Variants in AP1S2 observed in about 807,000 individuals in gnomAD.
The protein encoded by AP1S2 is AP-1 complex subunit sigma-2.
A neutral mutation model predicts 14.3 loss-of-function variants in AP1S2; 1 was observed. The ratio of observed to expected loss-of-function variants is 0.07; its 90% CI spans 0.02 to 0.33. The LOEUF is 0.33. AP1S2 is among the 10% of genes least tolerant of loss of function. The pLI, the probability that AP1S2 is intolerant of heterozygous loss-of-function variation, is 0.99. For missense variants in AP1S2, 30 were observed against 117.7 expected (o/e 0.25, Z 3.45); for synonymous variants, 30 against 40.5 (o/e 0.74, Z 0.99).
chrX:15,846,110 G>A, intron 2 of AP1S2, 99 bp from the exon 3 acceptor site: 1 of 635,909 alleles, frequency 1.6e-6, no homozygotes, highest in Non-Finnish European at 2.6e-6. Context: ...AGTTTATACA[G>A]TTTATTTCTT....
intron 4 of AP1S2, among the ~76,000 whole-genome samples, chrX:15,836,936 ATTTG>A (rs1336336679): frequency 1.8e-5 from 2 of 111,254 alleles, no homozygotes; most frequent in Non-Finnish European, 3.8e-5. Flanking sequence ...AGCAAATATA[ATTTG>A]TTTAAGAGTG....
intron 4 of AP1S2, among the ~76,000 whole-genome samples, chrX:15,828,822 A>G (rs1384689151): frequency 9.0e-6 from 1 of 111,415 alleles, no homozygotes; most frequent in Non-Finnish European, 1.9e-5. Context: ...TAAAGATTAA[A>G]AGAGACTTAA....
At chrX:15,842,729 A>G (rs1482178062) in intron 4 of AP1S2, among the ~76,000 whole-genome samples, 2 of 112,508 alleles carry the variant, frequency 1.8e-5, no homozygotes, top group African/African-American at 6.5e-5. Flanking sequence ...ACTTTCCCCA[A>G]TTAAAGACAT....
intron 1 of AP1S2, 100 bp downstream of exon 1, chrX:15,854,587 GT>G (rs1934281362): frequency 2.0e-5 from 6 of 293,973 alleles, no homozygotes; most frequent in Non-Finnish European, 2.7e-5. Context: ...CAGGCTCGGG[GT>G]GGGGTCGTCG....
intron 4 of AP1S2, among the ~76,000 whole-genome samples, chrX:15,843,187 G>C (rs1409378972): frequency 8.9e-6 from 1 of 111,811 alleles, no homozygotes; most frequent in Admixed American, 9.5e-5. Context: ...ATTAAATACT[G>C]AATATATGCT....
At chrX:15,838,473 T>C (rs867124308) in intron 4 of AP1S2, among the ~76,000 whole-genome samples, 1 of 109,825 alleles carries the variant, frequency 9.1e-6, no homozygotes, top group Middle Eastern at 4.7e-3. Context: ...ACGTGACATT[T>C]TTCAGAAAGT....
In AP1S2 at chrX:15,826,503, G is replaced by C. The variant is rs1487333058; in HGVS notation, c.*822C>G. 4 of 111,758 alleles carry C rather than the reference G, an allele frequency of 3.6e-5. No homozygotes were observed. Among genetic ancestry groups the C allele is most frequent in the African/African-American group, 1.3e-4 (4 of 30,754 alleles). 9.2% of individuals were successfully genotyped at this position (111,758 alleles called of 1,213,427 possible). ...GACTTTACACATAATACTGTGAAGA[G>C]AGCAACACGTTTTTTGTAAGATACT... On this transcript the variant is annotated 3_prime_UTR_variant, in exon 6 of 6. Coordinates refer to ENST00000672987, the MANE Select transcript of AP1S2 (RefSeq NM_001272071.2).
At chrX:15,848,570 G>A (rs898690771) in intron 2 of AP1S2, among the ~76,000 whole-genome samples, 5 of 112,070 alleles carry the variant, frequency 4.5e-5, no homozygotes, top group African/African-American at 1.6e-4. Flanking sequence ...ATTACCAAGA[G>A]AACCTGAAGT....
chrX:15,834,477 TA>T (rs1933556034), intron 4 of AP1S2, among the ~76,000 whole-genome samples: 2 of 32,275 alleles, frequency 6.2e-5, no homozygotes, highest in East Asian at 1.1e-3. Context: ...TATATATATA[TA>T]TAATTTTTTT....
chrX:15,851,156 C>G (rs968833411), intron 2 of AP1S2, among the ~76,000 whole-genome samples: 11 of 111,990 alleles, frequency 9.8e-5, no homozygotes, highest in African/African-American at 2.9e-4. Flanking sequence ...GACTAGATCA[C>G]TGTAAAACAT....
intron 5 of AP1S2, among the ~76,000 whole-genome samples, chrX:15,827,894 C>G (rs1933312509): frequency 9.0e-6 from 1 of 111,406 alleles, no homozygotes. Context: ...CCAGTGCAAC[C>G]AATGGCATCA....
chrX:15,833,376 G>A, intron 4 of AP1S2: 1 of 852,642 alleles, frequency 1.2e-6, no homozygotes, highest in Non-Finnish European at 1.4e-6. Flanking sequence ...AAAGAAAAGG[G>A]TTGATGATAA....
intron 5 of AP1S2, among the ~76,000 whole-genome samples, 199 bp downstream of exon 5, chrX:15,827,993 G>C (rs1226051351): frequency 9.0e-6 from 1 of 111,089 alleles, no homozygotes; most frequent in African/African-American, 3.3e-5. Flanking sequence ...TGTCAAAGGA[G>C]GTCAAAACAA....
rs1004429677 is a variant in AP1S2 at position 15,847,952 on chromosome X, C to G, written c.180-1941G>C. On this transcript the variant is annotated intron_variant, in intron 2 of 5. Coordinates refer to ENST00000672987, the MANE Select transcript of AP1S2 (RefSeq NM_001272071.2). ...TGCTACTATTAAACAAGCTAATGCT[C>G]GTACCATCCTCGCTCCTTATCCACA... 6.3e-5 allele frequency among the ~76,000 whole-genome samples: 7 copies of G among 111,775 alleles called. No individual in the cohort carries two copies. The Admixed American group carries it at 6.6e-4, about 11-fold the overall frequency.
intron 4 of AP1S2, among the ~76,000 whole-genome samples, chrX:15,844,346 G>C (rs376296808): frequency 7.4e-4 from 83 of 112,000 alleles, no homozygotes; most frequent in African/African-American, 2.4e-3. Context: ...AAAAAGACAA[G>C]AACAAACTGA....
chrX:15,827,482 C>T (rs745811673), intron 5 of AP1S2, 110 bp from the exon 6 acceptor site: 3 of 736,799 alleles, frequency 4.1e-6, no homozygotes, highest in Non-Finnish European at 6.4e-6. Context: ...AAAGCAATTT[C>T]GTGTCACAGT....
intron 2 of AP1S2, among the ~76,000 whole-genome samples, chrX:15,847,686 A>T (rs1008819827): frequency 1.8e-5 from 2 of 112,085 alleles, no homozygotes; most frequent in Non-Finnish European, 3.8e-5. Context: ...AGAATAGAGT[A>T]TTCCAACTCT....
intron 2 of AP1S2, among the ~76,000 whole-genome samples, chrX:15,847,331 A>AT (rs1195575537): frequency 9.0e-6 from 1 of 110,843 alleles, no homozygotes; most frequent in Non-Finnish European, 1.9e-5. Flanking sequence ...AGACAAAAAA[A>AT]AAATGAGGCT....
intron 4 of AP1S2, among the ~76,000 whole-genome samples, chrX:15,834,481 A>AT (rs778337933): frequency 0.2 from 2,557 of 12,952 alleles, 302 homozygotes; most frequent in Admixed American, 0.28. Flanking sequence ...TATATATATA[A>AT]TTTTTTTTTT....
Sources: gnomAD v4.1 joint callset for allele counts (sites outside exome capture counted in the v4.1 genomes callset) on GRCh38, gnomAD v4.1.1 for gene constraint, MANE v1.5 for transcripts, NCBI Gene and HGNC (gene_info 2026-07-23, HGNC 2026-07-21) for gene names.